The following AXDND1 variants were observed in gnomAD, a reference collection of about 807,000 sequenced individuals.
AXDND1 encodes axonemal dynein light chain domain-containing protein 1.
AXDND1 carries 110 observed loss-of-function variants against 137.5 expected under a neutral mutation model. The observed-to-expected ratio is 0.80, with a 90% confidence interval of 0.69 to 0.94. The LOEUF (loss-of-function observed/expected upper bound fraction) is 0.94. Ranked by LOEUF, AXDND1 falls within the 40% of genes least tolerant of loss-of-function variation. The pLI, the probability that AXDND1 is intolerant of heterozygous loss-of-function variation, is 0.00. For missense variants in AXDND1, 1,191 were observed against 1,169.8 expected, an observed-to-expected ratio of 1.02 and a Z score of -0.26; for synonymous variants, 414 against 399.7, an observed-to-expected ratio of 1.04 and a Z score of -0.43.
chr1:179,383,367 A>T, intron 7 of AXDND1, 75 bp from the exon 8 acceptor site: 1 of 1,082,810 alleles, frequency 9.2e-7, no homozygotes, highest in Non-Finnish European at 1.4e-6. Context: ...CTTTACACAT[A>T]TTATATTCTT....
Position 179,395,115 on chromosome 1 carries a change from G to A in AXDND1, c.1022G>A (p.Arg341Gln), listed in dbSNP as rs747815360. ...TATTTCAGGGAACTGTGTCTAGTTC[G>A]GGCACATGATGTGAAATTAACAAAG... ...EELTRELCLV[R>Q]AHDVKLTKET... Residue 341 changes from arginine (R) to glutamine (Q), a missense_variant, in exon 11 of 26, where the codon CGG (arginine) becomes CAG (glutamine). Coordinates refer to ENST00000367618, the MANE Select transcript of AXDND1 (RefSeq NM_144696.6). The A allele has an allele frequency of 4.4e-5, 71 of 1,611,514 alleles. No homozygotes were observed. The highest frequency in any genetic ancestry group is 5.3e-5 in the Non-Finnish European group (62 of 1,178,908).
chr1:179,415,768 G>A (rs1236754118), intron 12 of AXDND1, among the ~76,000 whole-genome samples: 1 of 151,480 alleles, frequency 6.6e-6, no homozygotes, highest in Non-Finnish European at 1.5e-5. Flanking sequence ...GCAGTGGCGC[G>A]ATCTCTGCTC....
intron 16 of AXDND1, chr1:179,447,618 G>T (rs1420291735): frequency 4.9e-6 from 6 of 1,228,528 alleles, no homozygotes; most frequent in African/African-American, 1.5e-5. Flanking sequence ...TCATGCCCTT[G>T]CTTGAAGCGG....
chr1:179,491,879 C>A, intron 19 of AXDND1, 142 bp downstream of exon 19: 1 of 746,098 alleles, frequency 1.3e-6, no homozygotes, highest in Non-Finnish European at 2.0e-6. Flanking sequence ...AGCTTTAACA[C>A]TGTGAGCAGT....
chr1:179,475,753 T>C (rs552653767), intron 17 of AXDND1, among the ~76,000 whole-genome samples: 39 of 152,276 alleles, frequency 2.6e-4, no homozygotes, highest in African/African-American at 9.4e-4. Flanking sequence ...GAAGGCATAA[T>C]TGGTTTTGAC....
chr1:179,447,311 A>G lies in AXDND1; in HGVS notation c.1798+2107A>G, dbSNP rs190631538. ...TTCCACACATGAGTGAGAACATGCAATATCTATCTTTCCATGCCTGGCTTA... is the reference window on the plus strand; with the variant it reads ...TTCCACACATGAGTGAGAACATGCAGTATCTATCTTTCCATGCCTGGCTTA... On this transcript the variant is annotated intron_variant, in intron 16 of 25. Coordinates refer to ENST00000367618, the MANE Select transcript of AXDND1 (RefSeq NM_144696.6). Among the ~76,000 whole-genome samples the G allele has an allele frequency of 5.3e-3, 800 of 152,334 alleles. 9 individuals are homozygous for G. Among genetic ancestry groups the G allele is most frequent in the African/African-American group, 0.019 (776 of 41,584 alleles).
In AXDND1 at chr1:179,389,400, T is replaced by G. The variant is rs140179474; in HGVS notation, c.863+4041T>G. On this transcript the variant is annotated intron_variant, in intron 9 of 25. Coordinates refer to ENST00000367618, the MANE Select transcript of AXDND1 (RefSeq NM_144696.6). ...ACATTAGTATTTTGCAGCCTTTGCT[T>G]GTGGAGCTAATATTTCACTGACCTT... 7.2e-5 allele frequency among the ~76,000 whole-genome samples: 11 copies of G among 152,356 alleles called. No individual in the cohort carries two copies. In the East Asian group the frequency reaches 2.1e-3, roughly 29 times the overall value.
At chr1:179,376,036 C>T (rs539136123) in intron 4 of AXDND1, among the ~76,000 whole-genome samples, 11 of 152,262 alleles carry the variant, frequency 7.2e-5, no homozygotes, top group African/African-American at 2.6e-4. Context: ...CAAAGCACAC[C>T]CTCTCCCACC....
rs116478932 is a variant in AXDND1 at position 179,549,607 on chromosome 1, C to A, written c.3032-4905C>A. 5.6e-3 allele frequency among the ~76,000 whole-genome samples: 847 copies of A among 152,196 alleles called. 11 individuals carry two copies. Among genetic ancestry groups the A allele is most frequent in the African/African-American group, 0.02 (813 of 41,518 alleles). ...TCACTTCTGCTTGTTCTGCTTTTGG[C>A]TTCTGTTATGCCTGACCCAGCATGA... is the stretch of plus-strand genomic sequence containing the variant. On this transcript the variant is annotated intron_variant, in intron 25 of 25. Coordinates refer to ENST00000367618, the MANE Select transcript of AXDND1 (RefSeq NM_144696.6).
Position 179,509,398 on chromosome 1 carries a change from G to A in AXDND1, c.2491G>A (p.Glu831Lys), listed in dbSNP as rs771658635. ...LTYEEIERLL[E>K]EEAVKEFIEP... The stretch of plus-strand genomic sequence containing the variant: ...ATATGAAGAAATAGAGCGGCTACTT[G>A]AAGAGGTATTTGCCACATGTTAGCG... Residue 831 changes from glutamate to lysine, a missense_variant, in exon 21 of 26, where the codon GAA (glutamate) becomes AAA (lysine). Coordinates refer to ENST00000367618, the MANE Select transcript of AXDND1 (RefSeq NM_144696.6). 6.3e-7 allele frequency: 1 copy of A among 1,591,546 alleles called. No individual in the cohort carries two copies. Among genetic ancestry groups the A allele is most frequent in the Admixed American group, 1.7e-5 (1 of 59,720 alleles).
rs1401061614 is a variant in AXDND1 at position 179,554,547 on chromosome 1, T to C, written c.*28T>C. On this transcript the variant is annotated 3_prime_UTR_variant, in exon 26 of 26. Transcript: ENST00000367618. ...CCAAGGCAACCTGTGGAAAGAAGAA[T>C]TCAGATGTCAGTGGGAGCCTCCAGG... The C allele has an allele frequency of 1.2e-6, 2 of 1,614,164 alleles. No individual in the cohort carries two copies. The highest frequency in any genetic ancestry group is 1.1e-5 in the South Asian group (1 of 91,082).
At chr1:179,475,585 C>T (rs775145515) in intron 17 of AXDND1, among the ~76,000 whole-genome samples, 24 of 152,208 alleles carry the variant, frequency 1.6e-4, no homozygotes, top group Non-Finnish European at 2.8e-4. Flanking sequence ...GAGCATTTAT[C>T]CAATGCCTCT....
chr1:179,415,556 G>A (rs1002639005), intron 12 of AXDND1, among the ~76,000 whole-genome samples: 3 of 152,022 alleles, frequency 2.0e-5, no homozygotes, highest in Admixed American at 6.6e-5. Flanking sequence ...TAGCATGGTC[G>A]CAGAACTGTG....
chr1:179,404,210 A>G (rs1652564178), intron 11 of AXDND1, among the ~76,000 whole-genome samples: 1 of 144,838 alleles, frequency 6.9e-6, no homozygotes, highest in Admixed American at 7.4e-5. Context: ...TTCATCTGTG[A>G]GCTTTTTCTT....
chr1:179,534,869 A>G lies in AXDND1; in HGVS notation c.2938A>G (p.Asn980Asp), dbSNP rs369752669. ...SRKESKEEKENQDEREVKEEE... is the reference protein window; with the variant it reads ...SRKESKEEKEDQDEREVKEEE... ...AAAGGAGTCTAAAGAAGAGAAAGAA[A>G]ATCAAGATGAAAGAGAAGTAAAAGA... Residue 980 changes from asparagine (N) to aspartate (D), a missense_variant, in exon 25 of 26, where the codon AAT (asparagine) becomes GAT (aspartate). Transcript: ENST00000367618. The G allele has an allele frequency of 3.1e-6, 5 of 1,609,640 alleles. No homozygotes were observed. The African/African-American group carries it at 6.7e-5, about 22-fold the overall frequency.
intron 20 of AXDND1, among the ~76,000 whole-genome samples, chr1:179,498,090 A>G (rs1667634890): frequency 6.6e-6 from 1 of 152,216 alleles, no homozygotes; most frequent in African/African-American, 2.4e-5. Flanking sequence ...TGCCCAAAGC[A>G]GTTTATAAAT....
At chr1:179,552,423 G>A in intron 25 of AXDND1, 1 of 642,222 alleles carries the variant, frequency 1.6e-6, no homozygotes, top group South Asian at 1.7e-5. Flanking sequence ...AGGGAGAGGA[G>A]TTGCATTAGT....
At chr1:179,521,481 T>C (rs1203882654) in intron 21 of AXDND1, among the ~76,000 whole-genome samples, 1 of 152,174 alleles carries the variant, frequency 6.6e-6, no homozygotes, top group Non-Finnish European at 1.5e-5. Flanking sequence ...ATAATTCTTC[T>C]AATTCAATAT....
intron 21 of AXDND1, among the ~76,000 whole-genome samples, chr1:179,519,602 A>T (rs756799323): frequency 6.6e-6 from 1 of 152,170 alleles, no homozygotes; most frequent in Non-Finnish European, 1.5e-5. Flanking sequence ...AGTTTTCTCC[A>T]TATGGCTATC....
Sources: gnomAD v4.1 joint callset for allele counts (sites outside exome capture counted in the v4.1 genomes callset) on GRCh38, gnomAD v4.1.1 for gene constraint, MANE v1.5 for transcripts, NCBI Gene and HGNC (gene_info 2026-07-23, HGNC 2026-07-21) for gene names.